Variants in USP31 observed in about 807,000 individuals in gnomAD.
The protein encoded by USP31 is ubiquitin carboxyl-terminal hydrolase 31.
In USP31, 44 loss-of-function variants were observed where a neutral mutation model predicts 119.4. That is an observed-to-expected ratio of 0.37 (90% CI 0.29 to 0.47). The LOEUF is 0.47. Among genes scored for constraint, USP31 ranks in the 20% least tolerant of loss-of-function variants. USP31 has a pLI of 0.99. For missense variants in USP31, 1,643 were observed against 1,730.2 expected (o/e 0.95, Z 0.89); for synonymous variants, 749 against 705.6 (o/e 1.06, Z -0.97).
At chr16:23,129,824 T>C (rs1166620969) in intron 1 of USP31, among the ~76,000 whole-genome samples, 1 of 152,150 alleles carries the variant, frequency 6.6e-6, no homozygotes, top group Non-Finnish European at 1.5e-5. Context: ...GGAACTTTAA[T>C]GTAAGAGTAA....
In USP31 at chr16:23,095,038, T is replaced by C. The variant is rs144059632; in HGVS notation, c.1235-4234A>G. 1.1e-3 allele frequency among the ~76,000 whole-genome samples: 160 copies of C among 151,950 alleles called. 1 individual carries two copies. Among genetic ancestry groups the C allele is most frequent in the African/African-American group, 3.6e-3 (148 of 41,480 alleles). ...GTTGACAGAAGTAGGCTTCAGAAGG[T>C]TGGTTCTCTGAGCTAAAGGAGCATG... On this transcript the variant is annotated intron_variant, in intron 6 of 15. Transcript: ENST00000219689.
intron 13 of USP31, among the ~76,000 whole-genome samples, chr16:23,078,044 T>C (rs916829990): frequency 2.0e-5 from 3 of 152,170 alleles, no homozygotes; most frequent in Admixed American, 6.5e-5. Flanking sequence ...CCGGGCGCAG[T>C]GGCTCATGCC....
chr16:23,102,104 T>C (rs1901900455), intron 6 of USP31, among the ~76,000 whole-genome samples: 1 of 151,174 alleles, frequency 6.6e-6, no homozygotes, highest in Admixed American at 6.6e-5. Context: ...CCAACTAAAC[T>C]ATGGATATAT....
chr16:23,149,119 G>T lies in USP31; in HGVS notation c.152C>A (p.Ser51Ter). Residue 51 changes from serine to a stop codon, truncating the protein, a stop_gained, in exon 1 of 16, where the codon TCG becomes TAG. Coordinates refer to ENST00000219689, the MANE Select transcript of USP31 (RefSeq NM_020718.4). LOFTEE classifies it high-confidence loss of function. ...PGASGPAAPS[S>*]PSSPSSARSV... ...GCGTGCAGAGGAGGGCGAGGAGGGC[G>T]AGGAAGGCGCGGCCGGCCCGGACGC... 7.9e-7 allele frequency: 1 copy of T among 1,258,726 alleles called. No individual in the cohort carries two copies. The highest frequency in any genetic ancestry group is 1.0e-6 in the Non-Finnish European group (1 of 979,320). 78.0% of individuals were successfully genotyped at this position (1,258,726 alleles called of 1,614,324 possible).
chr16:23,084,510 T>C (rs975973771), intron 11 of USP31, among the ~76,000 whole-genome samples: 2 of 152,180 alleles, frequency 1.3e-5, no homozygotes, highest in Admixed American at 6.5e-5. Context: ...CTGGCACTTA[T>C]GTTCTTAGTA....
intron 1 of USP31, among the ~76,000 whole-genome samples, chr16:23,130,490 C>T (rs1248152383): frequency 6.6e-6 from 1 of 151,632 alleles, no homozygotes; most frequent in African/African-American, 2.4e-5. Context: ...CAGAGTTTAG[C>T]AACAGCGGAG....
chr16:23,076,543 G>A (rs1900583498), intron 13 of USP31, among the ~76,000 whole-genome samples: 1 of 152,096 alleles, frequency 6.6e-6, no homozygotes, highest in African/African-American at 2.4e-5. Context: ...ACAGCTACCT[G>A]CCCCAGGACA....
chr16:23,123,058 T>C (rs1902727002), intron 1 of USP31, among the ~76,000 whole-genome samples: 1 of 152,102 alleles, frequency 6.6e-6, no homozygotes, highest in South Asian at 2.1e-4. Flanking sequence ...TAATCAATGG[T>C]GTTAGAAGAC....
In USP31 at chr16:23,106,105, T is replaced by C. The variant is rs924029159; in HGVS notation, c.953+108A>G. ...GCAATGACTGTATTCAATCCCATTA[T>C]TAATCCCATTACCTGTCTAAATAAG... is the stretch of plus-strand genomic sequence containing the variant. On this transcript the variant is annotated intron_variant, in intron 4 of 15. Coordinates refer to ENST00000219689, the MANE Select transcript of USP31 (RefSeq NM_020718.4). The C allele has an allele frequency of 1.6e-5, 19 of 1,206,030 alleles. No individual in the cohort carries two copies. In the African/African-American group the frequency reaches 2.8e-4, roughly 18 times the overall value. The allele number at this position is 1,206,030 out of a possible 1,614,324, so 74.7% of individuals were successfully genotyped here. A position where few individuals can be genotyped will look rare whatever the true frequency, so the allele number is the denominator to read the frequency against.
chr16:23,111,745 C>A (rs1453378168), intron 1 of USP31, among the ~76,000 whole-genome samples: 1 of 152,064 alleles, frequency 6.6e-6, no homozygotes, highest in East Asian at 1.9e-4. Context: ...AAGAAAAAAA[C>A]CATCAAAGAT....
Position 23,105,491 on chromosome 16 carries a change from C to A in USP31, c.1039G>T (p.Ala347Ser), listed in dbSNP as rs1400183337. Residue 347 changes from alanine (A) to serine (S), a missense_variant, in exon 5 of 16, where the codon GCC becomes TCC. Coordinates refer to ENST00000219689, the MANE Select transcript of USP31 (RefSeq NM_020718.4). The part of the protein sequence containing the change: ...GVAVPLSGTV[A>S]RLREAVSMET... Reference sequence around the variant, plus strand: ...ATAGACACTGCTTCCCGAAGTCTGGCGACAGTCCCAGACAGAGGTACGGCC... The same window carrying A: ...ATAGACACTGCTTCCCGAAGTCTGGAGACAGTCCCAGACAGAGGTACGGCC... 8.1e-6 allele frequency: 13 copies of A among 1,613,874 alleles called. No homozygotes were observed. The African/African-American group carries it at 1.2e-4, about 15-fold the overall frequency.
chr16:23,076,260 A>T lies in USP31; in HGVS notation c.2177-2380T>A, dbSNP rs570959580. Among the ~76,000 whole-genome samples, 3 of 151,680 alleles carry T rather than the reference A, an allele frequency of 2.0e-5. No individual in the cohort carries two copies. The South Asian group carries it at 6.3e-4, about 32-fold the overall frequency. On this transcript the variant is annotated intron_variant, in intron 13 of 15. Coordinates refer to ENST00000219689, the MANE Select transcript of USP31 (RefSeq NM_020718.4). The stretch of plus-strand genomic sequence containing the variant: ...AGTAACCAACCTGCACATCCTGAAC[A>T]CGTACACCTGAACTTAAAAGTTGAT...
In USP31 at chr16:23,072,318, G is replaced by A. The variant is rs757844827; in HGVS notation, c.2336-121C>T. The A allele has an allele frequency of 3.7e-6, 5 of 1,359,404 alleles. No individual in the cohort carries two copies. In the African/African-American group the frequency reaches 7.2e-5, roughly 20 times the overall value. The allele number at this position is 1,359,404 out of a possible 1,614,324, so 84.2% of individuals were successfully genotyped here. A position where few individuals can be genotyped will look rare whatever the true frequency, so the allele number is the denominator to read the frequency against. On this transcript the variant is annotated intron_variant, in intron 14 of 15. Coordinates refer to ENST00000219689, the MANE Select transcript of USP31 (RefSeq NM_020718.4). Reference sequence around the variant, plus strand: ...GGGGGCGTTGATGTCCTCACCCCGAGGTCAGCATCAATTCCCAGACCCTGT... The same window carrying A: ...GGGGGCGTTGATGTCCTCACCCCGAAGTCAGCATCAATTCCCAGACCCTGT...
intron 14 of USP31, 137 bp from the exon 15 acceptor site, chr16:23,072,334 C>CT: frequency 8.3e-7 from 1 of 1,208,206 alleles, no homozygotes; most frequent in Non-Finnish European, 1.2e-6. Flanking sequence ...CATCAATTCC[C>CT]AGACCCTGTG....
intron 13 of USP31, among the ~76,000 whole-genome samples, chr16:23,078,629 T>A (rs181579338): frequency 6.6e-6 from 1 of 152,116 alleles, no homozygotes; most frequent in African/African-American, 2.4e-5. Flanking sequence ...TTTTAAACCA[T>A]ATCTGTACCC....
At chr16:23,124,108 A>G (rs1207734120) in intron 1 of USP31, among the ~76,000 whole-genome samples, 1 of 152,178 alleles carries the variant, frequency 6.6e-6, no homozygotes, top group African/African-American at 2.4e-5. Flanking sequence ...ATGAAAGGAA[A>G]TATCATAGCA....
chr16:23,072,335 A>G, intron 14 of USP31, 138 bp from the exon 15 acceptor site: 1 of 1,193,922 alleles, frequency 8.4e-7, no homozygotes, highest in Non-Finnish European at 1.2e-6. Context: ...ATCAATTCCC[A>G]GACCCTGTGT....
chr16:23,072,302 G>A, intron 14 of USP31, 105 bp from the exon 15 acceptor site: 1 of 1,471,554 alleles, frequency 6.8e-7, no homozygotes, highest in East Asian at 2.5e-5. Context: ...GGGGGGCGTT[G>A]ATGTCCTCAC....
chr16:23,072,268 C>T (rs1161524160), intron 14 of USP31, 71 bp from the exon 15 acceptor site: 1 of 1,548,812 alleles, frequency 6.5e-7, no homozygotes, highest in East Asian at 2.4e-5. Context: ...CACACACCCT[C>T]ATGAAGGTGT....
Sources: allele counts gnomAD v4.1 joint callset (sites outside exome capture counted in the v4.1 genomes callset), GRCh38; gene constraint gnomAD v4.1.1; transcripts MANE v1.5; gene names NCBI Gene and HGNC (gene_info 2026-07-23, HGNC 2026-07-21).